Variants in MID1 observed in about 807,000 individuals in gnomAD.
MID1 encodes the protein midline 1, also known as E3 ubiquitin-protein ligase Midline-1.
A neutral mutation model predicts 40.4 loss-of-function variants in MID1; 7 were observed. The ratio of observed to expected loss-of-function variants is 0.17; its 90% CI spans 0.10 to 0.33. The LOEUF (loss-of-function observed/expected upper bound fraction) is 0.33. MID1 is among the 10% of genes least tolerant of loss of function. MID1 has a pLI of 1.00. For synonymous variants in MID1, 229 were observed against 221.2 expected (o/e 1.04, Z -0.31); for missense variants, 367 against 558.5 (o/e 0.66, Z 3.46).
chrX:10,496,057 A>T (rs970954615), intron 3 of MID1, among the ~76,000 whole-genome samples: 80 of 110,537 alleles, frequency 7.2e-4, no homozygotes, highest in African/African-American at 2.6e-3. Flanking sequence ...CCTGTTAAAC[A>T]TAAAAAAAGT....
At chrX:10,573,189 G>A (rs1020209671) in intron 1 of MID1, among the ~76,000 whole-genome samples, 3 of 112,541 alleles carry the variant, frequency 2.7e-5, no homozygotes, top group African/African-American at 9.7e-5. Flanking sequence ...AAATAATGAT[G>A]TAAATGTTTT....
Position 10,799,944 on chromosome X carries a change from C to CT in MID1, c.-187+33609dup, listed in dbSNP as rs1192963458. On this transcript the variant is annotated intron_variant, in intron 1 of 10. Transcript: ENST00000380785. Reference sequence around the variant, plus strand: ...CTAGAAATATTTTTGATTTCCTAGTCTTTTTTTTTTTTATTAACAAGACGC... The same window carrying CT: ...CTAGAAATATTTTTGATTTCCTAGTCTTTTTTTTTTTTTATTAACAAGACGC... Among the ~76,000 whole-genome samples, 496 of 102,923 alleles carry CT rather than the reference C, an allele frequency of 4.8e-3. 2 individuals carry two copies. Among genetic ancestry groups the CT allele is most frequent in the Non-Finnish European group, 6.6e-3 (329 of 49,918 alleles). 89.4% of individuals were successfully genotyped at this position (102,923 alleles called of 115,157 possible).
At chrX:10,762,258 G>A (rs1315805450) in intron 1 of MID1, among the ~76,000 whole-genome samples, 1 of 110,715 alleles carries the variant, frequency 9.0e-6, no homozygotes, top group African/African-American at 3.3e-5. Flanking sequence ...ATTTTCTTCC[G>A]GTTTTACTTA....
chrX:10,797,083 A>AT (rs34262622), intron 1 of MID1, among the ~76,000 whole-genome samples: 3 of 110,179 alleles, frequency 2.7e-5, no homozygotes, highest in Non-Finnish European at 3.8e-5. Flanking sequence ...CTATCAACAT[A>AT]TTTTTTTTGC....
chrX:10,765,760 A>G (rs1489354699), intron 1 of MID1, among the ~76,000 whole-genome samples: 2 of 110,759 alleles, frequency 1.8e-5, no homozygotes, highest in Non-Finnish European at 3.8e-5. Flanking sequence ...ATGAAAATAA[A>G]CGGATGTTTT....
chrX:10,659,554 A>G (rs1369124884), intron 1 of MID1, among the ~76,000 whole-genome samples: 1 of 112,083 alleles, frequency 8.9e-6, no homozygotes, highest in Non-Finnish European at 1.9e-5. Context: ...GCCAAATATA[A>G]TTCAACTGTT....
intron 1 of MID1, among the ~76,000 whole-genome samples, chrX:10,721,091 T>G (rs1254071597): frequency 9.1e-6 from 1 of 109,811 alleles, no homozygotes; most frequent in Non-Finnish European, 1.9e-5. Context: ...GAGATATACC[T>G]AATGTTAAAT....
chrX:10,644,472 A>G (rs894399997), intron 1 of MID1, among the ~76,000 whole-genome samples: 1 of 110,221 alleles, frequency 9.1e-6, no homozygotes, highest in African/African-American at 3.3e-5. Context: ...TTTCTTTTTC[A>G]TTATTCATAT....
intron 1 of MID1, chrX:10,582,915 A>AT (rs1214021221): frequency 1.8e-5 from 2 of 112,202 alleles, no homozygotes; most frequent in Non-Finnish European, 3.8e-5. Context: ...GCATTCTATA[A>AT]TTTTTTATTA....
chrX:10,470,431 T>G (rs1929637631), intron 6 of MID1, among the ~76,000 whole-genome samples: 1 of 112,347 alleles, frequency 8.9e-6, no homozygotes, highest in African/African-American at 3.2e-5. Flanking sequence ...GATACTTATA[T>G]CTTTAGGCAC....
At chrX:10,819,490 C>T (rs1049974727) in intron 1 of MID1, among the ~76,000 whole-genome samples, 1 of 111,122 alleles carries the variant, frequency 9.0e-6, no homozygotes, top group Admixed American at 9.6e-5. Context: ...TGTCCTTTAT[C>T]CTCACCTCCC....
chrX:10,613,474 C>T (rs906639287), intron 1 of MID1, among the ~76,000 whole-genome samples: 1 of 107,658 alleles, frequency 9.3e-6, no homozygotes, highest in Admixed American at 1.0e-4. Flanking sequence ...GGGCATGCCA[C>T]TCACCTGCAA....
At chrX:10,449,769 C>T (rs765533210) in intron 9 of MID1, 53 bp from the exon 10 acceptor site, 5 of 868,478 alleles carry the variant, frequency 5.8e-6, no homozygotes, top group East Asian at 3.2e-5. Context: ...TGCACATGCA[C>T]GTTAAATCCG....
intron 1 of MID1, among the ~76,000 whole-genome samples, chrX:10,603,766 A>G (rs1299309621): frequency 9.0e-6 from 1 of 111,601 alleles, no homozygotes; most frequent in African/African-American, 3.3e-5. Context: ...GTCACTGCAA[A>G]TGATGTCTCT....
chrX:10,660,583 C>T (rs2042904237), intron 1 of MID1, among the ~76,000 whole-genome samples: 1 of 112,446 alleles, frequency 8.9e-6, no homozygotes, highest in Non-Finnish European at 1.9e-5. Context: ...AAAGCCCTTT[C>T]TTTTGTTTTA....
At chrX:10,689,800 T>G (rs1294388106) in intron 1 of MID1, among the ~76,000 whole-genome samples, 1 of 110,871 alleles carries the variant, frequency 9.0e-6, no homozygotes, top group Non-Finnish European at 1.9e-5. Flanking sequence ...TTTTTTCCCC[T>G]TTTATTGGCT....
At chrX:10,483,155 CAT>C (rs1396320992) in intron 4 of MID1, among the ~76,000 whole-genome samples, 2 of 112,179 alleles carry the variant, frequency 1.8e-5, no homozygotes, top group East Asian at 2.8e-4. Flanking sequence ...ACCTAAAACT[CAT>C]GTGTTAAATT....
At chrX:10,625,113 G>T (rs1170016344), upstream of MID1, among the ~76,000 whole-genome samples, 1 of 111,467 alleles carries the variant, frequency 9.0e-6, no homozygotes, top group African/African-American at 3.3e-5. Context: ...GGGCTCTCCA[G>T]AGAAACATAA....
intron 1 of MID1, among the ~76,000 whole-genome samples, chrX:10,724,291 T>C (rs757183781): frequency 9.0e-6 from 1 of 111,517 alleles, no homozygotes; most frequent in East Asian, 2.8e-4. Context: ...ACTCCTGGGC[T>C]CAAATGATCT....
Sources: allele counts gnomAD v4.1 joint callset (sites outside exome capture counted in the v4.1 genomes callset), GRCh38; gene constraint gnomAD v4.1.1; transcripts MANE v1.5; gene names NCBI Gene and HGNC (gene_info 2026-07-23, HGNC 2026-07-21).